PRCD: variants seen among roughly 807,000 people sequenced by gnomAD.
PRCD encodes the protein photoreceptor disk component PRCD.
A neutral mutation model predicts 10.1 loss-of-function variants in PRCD; 12 were observed. The observed-to-expected ratio is 1.18, with a 90% CI of 0.76 to 1.92. PRCD has a LOEUF of 1.92. Among genes scored for constraint, PRCD ranks in the 40% most tolerant of loss-of-function variants. The pLI is 0.00. For missense variants in PRCD, 61 were observed against 72.2 expected, an observed-to-expected ratio of 0.84 and a Z score of 0.56; for synonymous variants, 31 against 26.2, an observed-to-expected ratio of 1.18 and a Z score of -0.56.
chr17:76,529,630 C>A (rs1412809881), intron 1 of PRCD: 1 of 985,324 alleles, frequency 1.0e-6, no homozygotes, highest in African/African-American at 1.7e-5. Context: ...GGCAGCAGAG[C>A]CTGCGTGGGG....
intron 2 of PRCD, among the ~76,000 whole-genome samples, chr17:76,541,659 T>C (rs996794366): frequency 5.3e-5 from 8 of 152,292 alleles, no homozygotes; most frequent in Admixed American, 3.9e-4. Flanking sequence ...CCAGCTGGCA[T>C]CATCATAATA....
At chr17:76,543,001 G>A (rs773829690) in intron 3 of PRCD, 28 bp from the exon 4 acceptor site, 4 of 485,180 alleles carry the variant, frequency 8.2e-6, no homozygotes, top group South Asian at 6.2e-5. Flanking sequence ...TGGGAGAAGT[G>A]CTGATCTGCT....
rs766126048 is a variant in PRCD at position 76,533,490 on chromosome 17, C to T, written n.45+5657C>T. Among the ~76,000 whole-genome samples, 1 of 152,130 alleles carries T rather than the reference C, an allele frequency of 6.6e-6. No individual in the cohort carries two copies. Among genetic ancestry groups the T allele is most frequent in the East Asian group, 1.9e-4 (1 of 5,206 alleles). On this transcript the variant is annotated intron_variant and non_coding_transcript_variant, in intron 1 of 4. Transcript: ENST00000397633. This position sits in a 1 kb window ranked among gnomAD's most constrained non-coding sequence, Gnocchi z 4.5. Reference sequence around the variant, plus strand: ...CTATAATCCTAGCACTTTACGAGGCCGAGGCGGGTGGATTGCTTGAGCTCA... The same window carrying T: ...CTATAATCCTAGCACTTTACGAGGCTGAGGCGGGTGGATTGCTTGAGCTCA...
At chr17:76,535,907 C>T (rs906121080), upstream of PRCD, among the ~76,000 whole-genome samples, 9 of 152,214 alleles carry the variant, frequency 5.9e-5, no homozygotes, top group African/African-American at 1.4e-4. Context: ...GACCCTGCCT[C>T]GCTTCTTCAT....
Position 76,531,772 on chromosome 17 carries a change from G to C in PRCD, n.45+3939G>C. ...TGAAGCTTCCAGGATAGTGGGGGCT[G>C]AAGAAGTGGACCGCAGTGCTCCCCA... On this transcript the variant is annotated intron_variant and non_coding_transcript_variant, in intron 1 of 4. Transcript: ENST00000397633. The surrounding 1 kb of genome is among the most constrained non-coding windows in gnomAD (Gnocchi z 7.4). 1 of 1,191,672 alleles carries C rather than the reference G, an allele frequency of 8.4e-7. No individual in the cohort carries two copies. The highest frequency in any genetic ancestry group is 1.5e-5 in the South Asian group (1 of 68,600). The allele number at this position is 1,191,672 out of a possible 1,614,324, so 73.8% of individuals were successfully genotyped here.
At chr17:76,529,041 T>TGGGGG in intron 1 of PRCD, 4 of 834,144 alleles carry the variant, frequency 4.8e-6, no homozygotes, top group Non-Finnish European at 4.1e-6. Flanking sequence ...CTGCAGTCAT[T>TGGGGG]GCGCCCCCCC....
In PRCD at chr17:76,542,956, C is replaced by A. The variant is rs533967255; in HGVS notation, c.*60-73C>A. 608 of 517,122 alleles carry A rather than the reference C, an allele frequency of 1.2e-3. 3 individuals are homozygous for A. The highest frequency in any genetic ancestry group is 7.0e-3 in the Middle Eastern group (23 of 3,296). The allele number at this position is 517,122 out of a possible 1,614,324, so 32.0% of individuals were successfully genotyped here. ...CCAAGGGAGAGGCGGTGCTCGGAAACATCCACTCTGAAATGCGAGTCCCAT... is the reference window on the plus strand; with the variant it reads ...CCAAGGGAGAGGCGGTGCTCGGAAAAATCCACTCTGAAATGCGAGTCCCAT... On this transcript the variant is annotated intron_variant, in intron 3 of 4. Transcript: ENST00000592014.
chr17:76,546,270 G>T (rs1413691771), downstream of PRCD: 1 of 152,126 alleles, frequency 6.6e-6, no homozygotes, highest in African/African-American at 2.4e-5. The surrounding 1 kb of genome is among the most constrained non-coding windows in gnomAD (Gnocchi z 4.5). Context: ...GGCTCAGAGC[G>T]GCTGCCAGTC....
chr17:76,529,553 T>C (rs1232171870), intron 1 of PRCD: 1 of 985,012 alleles, frequency 1.0e-6, no homozygotes, highest in Non-Finnish European at 1.2e-6. Flanking sequence ...CTCTTGGCCC[T>C]TGTAAAAAAG....
chr17:76,530,052 G>T lies in PRCD; in HGVS notation n.45+2219G>T, dbSNP rs934815774. 26 of 985,314 alleles carry T rather than the reference G, an allele frequency of 2.6e-5. No homozygotes were observed. Among genetic ancestry groups the T allele is most frequent in the Non-Finnish European group, 2.8e-5 (23 of 829,932 alleles). 61.0% of individuals were successfully genotyped at this position (985,314 alleles called of 1,614,324 possible). On this transcript the variant is annotated intron_variant and non_coding_transcript_variant, in intron 1 of 4. Transcript: ENST00000397633. The surrounding 1 kb of genome is among the most constrained non-coding windows in gnomAD (Gnocchi z 6.1). Reference sequence around the variant, plus strand: ...AACAGAAGGGCCGGCAGTCTTGGGGGCCCGTGCAGAGCCCGGCGGGAGACG... The same window carrying T: ...AACAGAAGGGCCGGCAGTCTTGGGGTCCCGTGCAGAGCCCGGCGGGAGACG...
Position 76,531,008 on chromosome 17 carries a change from G to A in PRCD, n.45+3175G>A. The A allele has an allele frequency of 1.9e-6, 3 of 1,612,560 alleles. No homozygotes were observed. The highest frequency in any genetic ancestry group is 2.2e-5 in the East Asian group (1 of 44,806). ...TGGCGTTGGGGACCTGCTGCACCCAGCCCACTTCCTTGTAGGCAGCGGTCA... is the reference window on the plus strand; with the variant it reads ...TGGCGTTGGGGACCTGCTGCACCCAACCCACTTCCTTGTAGGCAGCGGTCA... On this transcript the variant is annotated intron_variant and non_coding_transcript_variant, in intron 1 of 4. Coordinates refer to the PRCD transcript ENST00000397633. The surrounding 1 kb of genome is among the most constrained non-coding windows in gnomAD (Gnocchi z 7.4).
At position 76,530,975 on chromosome 17, in the gene PRCD, T is replaced by A. The variant is rs2074831271; in HGVS notation, n.45+3142T>A. 6.3e-7 allele frequency: 1 copy of A among 1,592,184 alleles called. No individual in the cohort carries two copies. The highest frequency in any genetic ancestry group is 8.6e-7 in the Non-Finnish European group (1 of 1,168,260). On this transcript the variant is annotated intron_variant and non_coding_transcript_variant, in intron 1 of 4. Transcript: ENST00000397633. The surrounding 1 kb of genome is among the most constrained non-coding windows in gnomAD (Gnocchi z 6.1). The stretch of plus-strand genomic sequence containing the variant: ...GCCCAGCCCACCCTCGCCCGCCTCC[T>A]CACGTGGTGGCGTTGGGGACCTGCT...
chr17:76,547,636 C>A (rs1302951451), downstream of PRCD, among the ~76,000 whole-genome samples: 6 of 36,592 alleles, frequency 1.6e-4, no homozygotes, highest in Admixed American at 2.3e-3. Context: ...TGTGAACACA[C>A]ACACATTCAC....
At chr17:76,550,262 GTTC>G (rs1279493071), downstream of PRCD, 1 of 146,462 alleles carries the variant, frequency 6.8e-6, no homozygotes, top group Non-Finnish European at 1.5e-5. Flanking sequence ...AGCCTAGAAG[GTTC>G]TTTTTTTTTT....
At chr17:76,545,493 A>G (rs906916732), downstream of PRCD, 2 of 404,778 alleles carry the variant, frequency 4.9e-6, no homozygotes, top group Non-Finnish European at 1.0e-5. Flanking sequence ...CTAGAGAGGG[A>G]GAGCTGAGCC....
Position 76,540,262 on chromosome 17 carries a change from G to GGCAT in PRCD, c.74+49_74+52dup. 1.4e-6 allele frequency: 1 copy of GGCAT among 738,400 alleles called. No homozygotes were observed. Among genetic ancestry groups the GGCAT allele is most frequent in the Non-Finnish European group, 2.3e-6 (1 of 426,264 alleles). The allele number at this position is 738,400 out of a possible 1,614,324, so 45.7% of individuals were successfully genotyped here. ...GGCTGGCGGTTGGTCGGGGGGGGGG[G>GGCAT]GCATGGGGCTGGGCTGCCACCAAGC... is the stretch of plus-strand genomic sequence containing the variant. On this transcript the variant is annotated intron_variant, in intron 1 of 4. Coordinates refer to ENST00000592014, the MANE Select transcript of PRCD (RefSeq NM_001077620.3). The surrounding 1 kb of genome is among the most constrained non-coding windows in gnomAD (Gnocchi z 5.0).
rs986533481 is a variant in PRCD, at chr17:76,530,944, G to A, written n.45+3111G>A. 6.5e-7 allele frequency: 1 copy of A among 1,537,022 alleles called. No individual in the cohort carries two copies. Among genetic ancestry groups the A allele is most frequent in the Non-Finnish European group, 8.8e-7 (1 of 1,138,224 alleles). ...CGGGGACAGCAGAGGACATGGCGGGGAGGCTGCCCAGCCCACCCTCGCCCG... is the reference window on the plus strand; with the variant it reads ...CGGGGACAGCAGAGGACATGGCGGGAAGGCTGCCCAGCCCACCCTCGCCCG... On this transcript the variant is annotated intron_variant and non_coding_transcript_variant, in intron 1 of 4. Coordinates refer to the PRCD transcript ENST00000397633. This position sits in a 1 kb window ranked among gnomAD's most constrained non-coding sequence, Gnocchi z 6.1.
chr17:76,545,703 G>C (rs983457684), downstream of PRCD: 1 of 276,818 alleles, frequency 3.6e-6, no homozygotes, highest in African/African-American at 2.2e-5. Context: ...ACTGGTATCT[G>C]TCTCTTAGAG....
At chr17:76,529,939 G>A (rs1299382326) in intron 1 of PRCD, 11 of 985,128 alleles carry the variant, frequency 1.1e-5, no homozygotes, top group East Asian at 1.1e-4. Context: ...GAGCCAGCCC[G>A]GGGCCAGTGT....
Sources: allele counts gnomAD v4.1 joint callset (sites outside exome capture counted in the v4.1 genomes callset), GRCh38; gene constraint gnomAD v4.1.1; non-coding constraint Gnocchi (gnomAD v3.1); transcripts MANE v1.5; gene names NCBI Gene and HGNC (gene_info 2026-07-23, HGNC 2026-07-21).